IL12RB2: variants seen among roughly 807,000 people sequenced by gnomAD.
The protein encoded by IL12RB2 is interleukin-12 receptor subunit beta-2.
Under a neutral mutation model 89.4 loss-of-function variants are expected in IL12RB2, and 82 were observed. The ratio of observed to expected loss-of-function variants is 0.92; its 90% CI spans 0.77 to 1.10. The LOEUF (loss-of-function observed/expected upper bound fraction) is 1.10. IL12RB2 is among the 50% of genes least tolerant of loss of function. IL12RB2 has a pLI of 0.00. For missense variants in IL12RB2, 963 were observed against 1,031.9 expected (o/e 0.93, Z 0.92); for synonymous variants, 368 against 370.1 (o/e 0.99, Z 0.07).
chr1:67,336,389 G>A (rs1658764702), intron 8 of IL12RB2, among the ~76,000 whole-genome samples: 1 of 152,140 alleles, frequency 6.6e-6, no homozygotes, highest in Non-Finnish European at 1.5e-5. Context: ...GTTAGTGAAC[G>A]TCATATCCCC....
intron 15 of IL12RB2, among the ~76,000 whole-genome samples, chr1:67,387,700 C>A (rs1284172939): frequency 4.0e-3 from 399 of 100,338 alleles, no homozygotes; most frequent in African/African-American, 6.8e-3. Flanking sequence ...AAGACTGTCT[C>A]AAAAAAAAAA....
At chr1:67,312,712 T>C (rs1483455033) in intron 1 of IL12RB2, among the ~76,000 whole-genome samples, 1 of 139,822 alleles carries the variant, frequency 7.2e-6, no homozygotes, top group African/African-American at 2.7e-5. Flanking sequence ...AGAAAACACA[T>C]TGAATTTAAA....
chr1:67,358,973 C>G (rs1275790544), intron 10 of IL12RB2, among the ~76,000 whole-genome samples: 1 of 151,950 alleles, frequency 6.6e-6, no homozygotes, highest in Non-Finnish European at 1.5e-5. Flanking sequence ...GAAACCCCGT[C>G]TCTACAAAAA....
In IL12RB2 at chr1:67,361,520, G is replaced by A. The variant is rs79127932; in HGVS notation, c.1259-6305G>A. ...AAAAACAGTGTAACAAATGAAGAATGTCTTTGATGGGTGATTCGTAAAATA... is the reference window on the plus strand; with the variant it reads ...AAAAACAGTGTAACAAATGAAGAATATCTTTGATGGGTGATTCGTAAAATA... On this transcript the variant is annotated intron_variant, in intron 10 of 16. Coordinates refer to ENST00000674203, the MANE Select transcript of IL12RB2 (RefSeq NM_001374259.2). Among the ~76,000 whole-genome samples the A allele has an allele frequency of 3.7e-3, 571 of 152,298 alleles. 2 individuals carry two copies. Among genetic ancestry groups the A allele is most frequent in the African/African-American group, 0.013 (556 of 41,576 alleles).
At chr1:67,351,668 T>A (rs939072598) in intron 10 of IL12RB2, among the ~76,000 whole-genome samples, 2 of 152,164 alleles carry the variant, frequency 1.3e-5, no homozygotes, top group Admixed American at 1.3e-4. Context: ...ACCAATAATA[T>A]TGAAATTCTG....
intron 11 of IL12RB2, among the ~76,000 whole-genome samples, chr1:67,371,015 T>A (rs1222033832): frequency 1.3e-5 from 2 of 152,136 alleles, no homozygotes; most frequent in African/African-American, 4.8e-5. Flanking sequence ...CTCCCATGCC[T>A]CCATAAGGCG....
Position 67,396,783 on chromosome 1 carries a change from G to C in IL12RB2, c.*694G>C, listed in dbSNP as rs1874396. The C allele has an allele frequency of 6.6e-6, 1 of 152,386 alleles. No individual in the cohort carries two copies. Among genetic ancestry groups the C allele is most frequent in the Non-Finnish European group, 1.5e-5 (1 of 68,184 alleles). The allele number at this position is 152,386 out of a possible 1,614,324, so 9.4% of individuals were successfully genotyped here. The stretch of plus-strand genomic sequence containing the variant: ...CATAAAAGACACTGGTAAACACCAA[G>C]GTAAAAGGGCCCCCAAGGTGGTCAT... On this transcript the variant is annotated 3_prime_UTR_variant, in exon 17 of 17. Coordinates refer to ENST00000674203, the MANE Select transcript of IL12RB2 (RefSeq NM_001374259.2).
rs1171909818 is a variant in IL12RB2 at position 67,397,572 on chromosome 1, T to A, written c.*1483T>A. On this transcript the variant is annotated 3_prime_UTR_variant, in exon 17 of 17. Coordinates refer to ENST00000674203, the MANE Select transcript of IL12RB2 (RefSeq NM_001374259.2). ...ACATGGACTTGGAACATGATCCATGTTTTGCTCTTTAAAGCTGTGGCCCCT... is the reference window on the plus strand; with the variant it reads ...ACATGGACTTGGAACATGATCCATGATTTGCTCTTTAAAGCTGTGGCCCCT... Among the ~76,000 whole-genome samples the A allele has an allele frequency of 6.6e-6, 1 of 152,156 alleles. No homozygotes were observed. The highest frequency in any genetic ancestry group is 3.2e-3 in the Middle Eastern group (1 of 316).
intron 9 of IL12RB2, 66 bp from the exon 10 acceptor site, chr1:67,350,804 G>A (rs1274816455): frequency 1.9e-6 from 3 of 1,594,916 alleles, no homozygotes; most frequent in Non-Finnish European, 2.6e-6. Context: ...TACCCATGAG[G>A]TCCAGGCACA....
intron 10 of IL12RB2, among the ~76,000 whole-genome samples, chr1:67,365,118 A>C (rs1662532486): frequency 6.6e-6 from 1 of 152,236 alleles, no homozygotes; most frequent in Admixed American, 6.5e-5. Context: ...TAAAAATAAA[A>C]CATCAAAATT....
At chr1:67,312,983 C>A (rs1048047027) in intron 1 of IL12RB2, among the ~76,000 whole-genome samples, 2 of 152,248 alleles carry the variant, frequency 1.3e-5, no homozygotes, top group African/African-American at 4.8e-5. Flanking sequence ...TACTTTCCTT[C>A]CCCTTCAAGC....
intron 2 of IL12RB2, among the ~76,000 whole-genome samples, chr1:67,317,851 G>C (rs1027321095): frequency 2.6e-5 from 4 of 152,088 alleles, no homozygotes; most frequent in Non-Finnish European, 5.9e-5. Flanking sequence ...TGCTCTTATG[G>C]GGCTTATATT....
chr1:67,344,120 T>C (rs184423535), intron 9 of IL12RB2, among the ~76,000 whole-genome samples: 309 of 151,968 alleles, frequency 2.0e-3, no homozygotes, highest in African/African-American at 7.2e-3. Flanking sequence ...AGGGGAGTGG[T>C]GGGCAAGCAG....
Position 67,391,410 on chromosome 1 carries a change from G to A in IL12RB2, c.2046+1282G>A, listed in dbSNP as rs576159156. Among the ~76,000 whole-genome samples the A allele has an allele frequency of 2.2e-5, 3 of 138,318 alleles. No individual in the cohort carries two copies. The East Asian group carries it at 6.6e-4, about 31-fold the overall frequency. 90.7% of individuals were successfully genotyped at this position (138,318 alleles called of 152,430 possible). Reference sequence around the variant, plus strand: ...CTATACACACACACACACACAAACTGCTGTTTTATATATATGTATACAAAC... The same window carrying A: ...CTATACACACACACACACACAAACTACTGTTTTATATATATGTATACAAAC... On this transcript the variant is annotated intron_variant, in intron 16 of 16. Coordinates refer to ENST00000674203, the MANE Select transcript of IL12RB2 (RefSeq NM_001374259.2).
Position 67,390,060 on chromosome 1 carries a change from C to T in IL12RB2, c.1978C>T (p.Gln660Ter). ...TGTTCTCCTAGCAGCCCTCAGACCT[C>T]AGTGGTGTAGCAGAGAAATTCCAGA... ...VFVLLAALRP[Q>*]WCSREIPDPA... The change falls in exon 16 of 17, where the codon CAG becomes TAG. Residue 660 changes from glutamine (Q) to a stop codon, truncating the protein, a stop_gained. Transcript: ENST00000674203. LOFTEE classifies it high-confidence loss of function. The T allele has an allele frequency of 1.5e-6, 2 of 1,373,886 alleles. No homozygotes were observed. The highest frequency in any genetic ancestry group is 2.1e-6 in the Non-Finnish European group (2 of 960,520). 85.1% of individuals were successfully genotyped at this position (1,373,886 alleles called of 1,614,324 possible).
intron 10 of IL12RB2, among the ~76,000 whole-genome samples, chr1:67,359,888 C>T (rs72932807): frequency 0.13 from 19,853 of 151,520 alleles, 1,898 homozygotes; most frequent in African/African-American, 0.26. Flanking sequence ...GCCACTGCCC[C>T]GAAAATTGAA....
intron 10 of IL12RB2, among the ~76,000 whole-genome samples, chr1:67,357,693 A>G: frequency 6.6e-6 from 1 of 152,212 alleles, no homozygotes; most frequent in South Asian, 2.1e-4. Context: ...TCCAGCATAC[A>G]AACTCCAATA....
At position 67,367,899 on chromosome 1, in the gene IL12RB2, A is replaced by G; in HGVS notation, c.1333A>G (p.Arg445Gly). 6.2e-7 allele frequency: 1 copy of G among 1,609,428 alleles called. No individual in the cohort carries two copies. The highest frequency in any genetic ancestry group is 8.5e-7 in the Non-Finnish European group (1 of 1,175,696). The change falls in exon 11 of 17, where the codon AGG becomes GGG. Residue 445 changes from arginine (R) to glycine (G), a missense_variant. Coordinates refer to ENST00000674203, the MANE Select transcript of IL12RB2 (RefSeq NM_001374259.2). Reference protein sequence around the residue: ...DNILVTWQPPRKDPSAVQEYV... With the variant: ...DNILVTWQPPGKDPSAVQEYV... ...CATTCTGGTGACTTGGCAGCCTCCCAGGAAAGATCCCTCTGCTGTTCAGGA... is the reference window on the plus strand; with the variant it reads ...CATTCTGGTGACTTGGCAGCCTCCCGGGAAAGATCCCTCTGCTGTTCAGGA...
At chr1:67,329,104 C>T (rs2100666263) in intron 6 of IL12RB2, among the ~76,000 whole-genome samples, 1 of 152,316 alleles carries the variant, frequency 6.6e-6, no homozygotes, top group East Asian at 1.9e-4. Flanking sequence ...CATATTTCTT[C>T]TCAGGCTTCC....
Sources: allele counts gnomAD v4.1 joint callset (sites outside exome capture counted in the v4.1 genomes callset), GRCh38; gene constraint gnomAD v4.1.1; transcripts MANE v1.5; gene names NCBI Gene and HGNC (gene_info 2026-07-23, HGNC 2026-07-21).